Variants in RAB37 observed in about 807,000 individuals in gnomAD.
RAB37 encodes RAB37, member RAS oncogene family.
RAB37 carries 29 observed loss-of-function variants against 33.1 expected under a neutral mutation model. The ratio of observed to expected loss-of-function variants is 0.88; its 90% CI spans 0.65 to 1.20. RAB37 has a LOEUF of 1.20. Among genes scored for constraint, RAB37 ranks in the 50% most tolerant of loss-of-function variants. The pLI is 0.00. For synonymous variants in RAB37, 128 were observed against 119.5 expected (o/e 1.07, Z -0.47); for missense variants, 299 against 301.1 (o/e 0.99, Z 0.05).
At chr17:74,710,701 A>C (rs922787431) in intron 1 of RAB37, among the ~76,000 whole-genome samples, 1 of 141,400 alleles carries the variant, frequency 7.1e-6, no homozygotes, top group Non-Finnish European at 1.6e-5. Context: ...TCTACTAAAA[A>C]TACGAAAAAA....
Position 74,691,700 on chromosome 17 carries a change from T to C in RAB37, c.72+20042T>C, listed in dbSNP as rs2032159565. The stretch of plus-strand genomic sequence containing the variant: ...CAATAATCTTCACTGGGATCTATGA[T>C]TTTATATTACCAGAAAAGATGAATC... On this transcript the variant is annotated intron_variant, in intron 1 of 7. Coordinates refer to the RAB37 transcript ENST00000340415. 5.9e-5 allele frequency among the ~76,000 whole-genome samples: 9 copies of C among 152,288 alleles called. No individual in the cohort carries two copies. The South Asian group carries it at 1.9e-3, about 32-fold the overall frequency.
chr17:74,684,591 C>G (rs1454658388), intron 1 of RAB37, among the ~76,000 whole-genome samples: 1 of 152,008 alleles, frequency 6.6e-6, no homozygotes, highest in Non-Finnish European at 1.5e-5. Context: ...AGTTTGAGAA[C>G]AGCCTGACCA....
chr17:74,745,281 C>G lies in RAB37; in HGVS notation c.567-25C>G, dbSNP rs774155300. ...CTCACCCCAGCCCAGCCCAGCCCAG[C>G]CCAGCCCATTGTCTCTTCTTCAAGG... is the stretch of plus-strand genomic sequence containing the variant. On this transcript the variant is annotated intron_variant, in intron 8 of 8. Transcript: ENST00000392613. This position sits in a 1 kb window ranked among gnomAD's most constrained non-coding sequence, Gnocchi z 4.5. The G allele has an allele frequency of 1.2e-6, 2 of 1,607,860 alleles. No homozygotes were observed. Among genetic ancestry groups the G allele is most frequent in the African/African-American group, 2.7e-5 (2 of 74,812 alleles).
chr17:74,724,369 A>G (rs2034279337), intron 1 of RAB37, among the ~76,000 whole-genome samples: 1 of 152,248 alleles, frequency 6.6e-6, no homozygotes, highest in African/African-American at 2.4e-5. Context: ...GCAATCAGAT[A>G]TGCATCTATC....
intron 1 of RAB37, among the ~76,000 whole-genome samples, chr17:74,677,833 G>A (rs2031868722): frequency 6.6e-6 from 1 of 152,266 alleles, no homozygotes; most frequent in East Asian, 1.9e-4. Context: ...GCGCCTCAAA[G>A]TCGTTTTCCA....
At chr17:74,737,078 G>A, upstream of RAB37, 2 of 1,607,332 alleles carry the variant, frequency 1.2e-6, no homozygotes, top group Non-Finnish European at 1.7e-6. Flanking sequence ...GCCCCTTCAC[G>A]CAGACCCTGC....
intron 1 of RAB37, among the ~76,000 whole-genome samples, chr17:74,740,208 C>T (rs962521013): frequency 1.4e-5 from 2 of 147,382 alleles, no homozygotes; most frequent in Non-Finnish European, 3.0e-5. Flanking sequence ...AATGTTGTGA[C>T]ACAAAAAAAA....
At chr17:74,709,335 C>T (rs575517604) in intron 1 of RAB37, among the ~76,000 whole-genome samples, 3 of 152,146 alleles carry the variant, frequency 2.0e-5, no homozygotes, top group South Asian at 4.1e-4. Context: ...TAGGAATCAA[C>T]GCTCATTCAT....
intron 1 of RAB37, among the ~76,000 whole-genome samples, chr17:74,708,409 C>G (rs2033685741): frequency 6.6e-6 from 1 of 152,040 alleles, no homozygotes; most frequent in Admixed American, 6.6e-5. Flanking sequence ...GATGAAATCC[C>G]AAATCCATTT....
chr17:74,696,475 C>T (rs1432419932), intron 1 of RAB37, among the ~76,000 whole-genome samples: 2 of 152,230 alleles, frequency 1.3e-5, no homozygotes, highest in Admixed American at 1.3e-4. Context: ...GAACTGTGCA[C>T]TCAGCTGATC....
rs199501252 is a variant in RAB37 at position 74,744,293 on chromosome 17, C to A, written c.367-15C>A. 2 of 1,610,330 alleles carry A rather than the reference C, an allele frequency of 1.2e-6. No homozygotes were observed. The highest frequency in any genetic ancestry group is 1.7e-6 in the Non-Finnish European group (2 of 1,177,838). On this transcript the variant is annotated splice_polypyrimidine_tract_variant and intron_variant, in intron 5 of 8. Transcript: ENST00000392613. The surrounding 1 kb of genome is among the most constrained non-coding windows in gnomAD (Gnocchi z 4.2). ...GGAGGAAGAGAATGCCAGTCTCGCA[C>A]GCCCTCTCCCACAGGCCTGGCTCAC... is the stretch of plus-strand genomic sequence containing the variant.
At chr17:74,737,235 G>C, upstream of RAB37, 1 of 1,539,446 alleles carries the variant, frequency 6.5e-7, no homozygotes. Flanking sequence ...GCTCTCCTTC[G>C]CCTGCGGGCC....
At chr17:74,689,489 T>A (rs1185229103) in intron 1 of RAB37, among the ~76,000 whole-genome samples, 1 of 151,982 alleles carries the variant, frequency 6.6e-6, no homozygotes, top group Non-Finnish European at 1.5e-5. Context: ...ATACAGTATA[T>A]CTCTTTTATG....
chr17:74,672,102 A>T (rs2031719404), intron 1 of RAB37, among the ~76,000 whole-genome samples: 1 of 152,192 alleles, frequency 6.6e-6, no homozygotes, highest in Non-Finnish European at 1.5e-5. Context: ...TTTTCAAATC[A>T]GACTCCCTCA....
intron 1 of RAB37, among the ~76,000 whole-genome samples, chr17:74,708,733 G>A (rs1300933558): frequency 1.3e-5 from 2 of 152,086 alleles, no homozygotes; most frequent in African/African-American, 4.8e-5. Flanking sequence ...TGGCTAACAC[G>A]GTGAAACCCT....
chr17:74,733,990 G>A (rs1185844533), upstream of RAB37, among the ~76,000 whole-genome samples: 1 of 152,174 alleles, frequency 6.6e-6, no homozygotes, highest in African/African-American at 2.4e-5. Flanking sequence ...AACGCAGCAG[G>A]GAAGTGCTTC....
At chr17:74,739,546 T>A (rs951136157) in intron 1 of RAB37, among the ~76,000 whole-genome samples, 20 of 149,488 alleles carry the variant, frequency 1.3e-4, no homozygotes, top group Non-Finnish European at 2.4e-4. Flanking sequence ...TTTTTTTTTT[T>A]TGAGACAGAG....
chr17:74,701,690 G>A (rs1430658723), intron 1 of RAB37, among the ~76,000 whole-genome samples: 1 of 151,866 alleles, frequency 6.6e-6, no homozygotes, highest in African/African-American at 2.4e-5. Flanking sequence ...AAACCCCATC[G>A]CTACTAAAAA....
In RAB37 at chr17:74,738,915, A is replaced by G. The variant is rs1056059367; in HGVS notation, c.93+1550A>G. Among the ~76,000 whole-genome samples, 7 of 152,174 alleles carry G rather than the reference A, an allele frequency of 4.6e-5. No individual in the cohort carries two copies. The highest frequency in any genetic ancestry group is 1.0e-4 in the Non-Finnish European group (7 of 68,024). On this transcript the variant is annotated intron_variant, in intron 1 of 8. Transcript: ENST00000392613. This position sits in a 1 kb window ranked among gnomAD's most constrained non-coding sequence, Gnocchi z 5.0. ...TTCACCACGATGATGGGCCCTAGCC[A>G]TTAACAGACTCTAGAAATACCTCAA...
Sources: allele counts gnomAD v4.1 joint callset (sites outside exome capture counted in the v4.1 genomes callset), GRCh38; gene constraint gnomAD v4.1.1; non-coding constraint Gnocchi (gnomAD v3.1); transcripts MANE v1.5; gene names NCBI Gene and HGNC (gene_info 2026-07-23, HGNC 2026-07-21).